Variants in ERAP2 observed in about 807,000 individuals in gnomAD.
The protein encoded by ERAP2 is endoplasmic reticulum aminopeptidase 2.
Under a neutral mutation model 111.1 loss-of-function variants are expected in ERAP2, and 118 were observed. That is an observed-to-expected ratio of 1.06 (90% CI 0.92 to 1.24). ERAP2 has a LOEUF of 1.24. ERAP2 is among the 50% of genes most tolerant of loss of function. ERAP2 has a pLI of 0.00. For synonymous variants in ERAP2, 410 were observed against 401.2 expected (o/e 1.02, Z -0.26); for missense variants, 1,131 against 1,125.8 (o/e 1.00, Z -0.07).
At chr5:96,901,427 A>C (rs1785448140) in intron 10 of ERAP2, 79 bp from the exon 11 acceptor site, 9 of 1,481,746 alleles carry the variant, frequency 6.1e-6, no homozygotes, top group Middle Eastern at 1.8e-4. Context: ...TCTGGCATCC[A>C]AGGAGATGGA....
intron 15 of ERAP2, among the ~76,000 whole-genome samples, chr5:96,910,656 T>C (rs1216320367): frequency 6.6e-6 from 1 of 152,210 alleles, no homozygotes; most frequent in African/African-American, 2.4e-5. Context: ...ATATAAGTGT[T>C]CAACATGTTG....
At chr5:96,881,112 T>C (rs1447569656) in intron 2 of ERAP2, 1 of 277,604 alleles carries the variant, frequency 3.6e-6, no homozygotes, top group Middle Eastern at 1.4e-3. Flanking sequence ...AGGGATCAGA[T>C]CATGTGGAGC....
chr5:96,890,758 C>T (rs1236471915), intron 5 of ERAP2, among the ~76,000 whole-genome samples: 1 of 152,118 alleles, frequency 6.6e-6, no homozygotes, highest in Non-Finnish European at 1.5e-5. Context: ...TCGATAGTTC[C>T]TGAGTCTTAC....
intron 5 of ERAP2, 177 bp downstream of exon 5, chr5:96,889,482 C>A: frequency 1.3e-6 from 1 of 745,936 alleles, no homozygotes; most frequent in Non-Finnish European, 2.4e-6. Flanking sequence ...ATATTTATGA[C>A]ATGCCCCAAC....
intron 4 of ERAP2, among the ~76,000 whole-genome samples, chr5:96,888,397 C>G (rs1437323954): frequency 1.3e-5 from 2 of 152,170 alleles, no homozygotes; most frequent in Non-Finnish European, 2.9e-5. Flanking sequence ...CCTGGGTGAT[C>G]TGGAGCAAGT....
intron 1 of ERAP2, among the ~76,000 whole-genome samples, chr5:96,876,832 C>A (rs978557459): frequency 6.6e-6 from 1 of 152,168 alleles, no homozygotes; most frequent in Non-Finnish European, 1.5e-5. Context: ...ATTTAAGGTA[C>A]AGTGCAGTAT....
At chr5:96,886,289 C>T (rs1783701025) in intron 3 of ERAP2, among the ~76,000 whole-genome samples, 1 of 152,138 alleles carries the variant, frequency 6.6e-6, no homozygotes, top group Non-Finnish European at 1.5e-5. Context: ...GGGAAAGGGG[C>T]CATTATCTGG....
At chr5:96,886,536 G>A (rs1783736998) in intron 3 of ERAP2, 119 bp from the exon 4 acceptor site, 5 of 739,032 alleles carry the variant, frequency 6.8e-6, no homozygotes, top group Non-Finnish European at 9.7e-6. Context: ...CCCCCTAGGA[G>A]GTCATCGATT....
At chr5:96,893,495 G>T (rs1430436392) in intron 6 of ERAP2, among the ~76,000 whole-genome samples, 1 of 152,186 alleles carries the variant, frequency 6.6e-6, no homozygotes, top group Non-Finnish European at 1.5e-5. Context: ...GCGCATTTTA[G>T]GTGTTTTGAT....
intron 2 of ERAP2, among the ~76,000 whole-genome samples, chr5:96,882,857 T>C (rs1482032785): frequency 1.3e-5 from 2 of 152,178 alleles, no homozygotes. Flanking sequence ...TTTTCCCTCC[T>C]GACCTCTCTC....
At chr5:96,884,244 C>T (rs1783497487) in intron 3 of ERAP2, among the ~76,000 whole-genome samples, 1 of 152,080 alleles carries the variant, frequency 6.6e-6, no homozygotes, top group African/African-American at 2.4e-5. Context: ...TCAGAATTTC[C>T]TAGAGCAGTA....
At chr5:96,914,596 C>T (rs972455241) in intron 17 of ERAP2, among the ~76,000 whole-genome samples, 1 of 152,206 alleles carries the variant, frequency 6.6e-6, no homozygotes, top group Non-Finnish European at 1.5e-5. Context: ...GGAAATGATG[C>T]CCCTGCCCAA....
chr5:96,902,602 C>A (rs1785594915), intron 12 of ERAP2: 3 of 371,176 alleles, frequency 8.1e-6, no homozygotes, highest in Non-Finnish European at 1.5e-5. Flanking sequence ...TAACAGAAAT[C>A]TATCTTATGT....
intron 10 of ERAP2, among the ~76,000 whole-genome samples, chr5:96,901,111 A>G (rs1785409402): frequency 6.6e-6 from 1 of 152,164 alleles, no homozygotes; most frequent in Admixed American, 6.5e-5. Context: ...AAGCTTCCCT[A>G]AAGACAGATA....
In ERAP2 at chr5:96,917,409, C is replaced by T; in HGVS notation, c.2740-53C>T. 5 of 1,543,036 alleles carry T rather than the reference C, an allele frequency of 3.2e-6. No homozygotes were observed. In the South Asian group the frequency reaches 4.7e-5, roughly 14 times the overall value. On this transcript the variant is annotated intron_variant, in intron 18 of 18. Transcript: ENST00000437043. ...GTGCTGGGATTACAGGTGTGAACCA[C>T]CACACTCGGCCAAGACAAAGTGTTA...
At chr5:96,894,312 C>T (rs1037634719) in intron 6 of ERAP2, among the ~76,000 whole-genome samples, 2 of 152,198 alleles carry the variant, frequency 1.3e-5, no homozygotes, top group Admixed American at 6.6e-5. Context: ...TCCATGAATG[C>T]CCTTCAGAAG....
intron 5 of ERAP2, among the ~76,000 whole-genome samples, chr5:96,891,357 GTA>G (rs1483020972): frequency 9.4e-6 from 1 of 106,296 alleles, no homozygotes; most frequent in Non-Finnish European, 2.0e-5. Flanking sequence ...ATATGTGTGT[GTA>G]TATATATATG....
chr5:96,877,713 C>T (rs1372423391), intron 1 of ERAP2, among the ~76,000 whole-genome samples: 1 of 147,400 alleles, frequency 6.8e-6, no homozygotes, highest in African/African-American at 2.5e-5. Context: ...GCCTCAGACC[C>T]ACATAATAAG....
chr5:96,903,674 G>C, intron 13 of ERAP2, 114 bp downstream of exon 13: 18 of 974,664 alleles, frequency 1.8e-5, no homozygotes, highest in Non-Finnish European at 2.4e-5. Flanking sequence ...GATTTGAATG[G>C]AATTCAAACA....
Sources: gnomAD v4.1 joint callset for allele counts (sites outside exome capture counted in the v4.1 genomes callset) on GRCh38, gnomAD v4.1.1 for gene constraint, MANE v1.5 for transcripts, NCBI Gene and HGNC (gene_info 2026-07-23, HGNC 2026-07-21) for gene names.